Variants in NDUFAF1 observed in about 807,000 individuals in gnomAD.
NDUFAF1 encodes the protein NADH:ubiquinone oxidoreductase complex assembly factor 1.
NDUFAF1 carries 18 observed loss-of-function variants against 28.7 expected under a neutral mutation model. That is an observed-to-expected ratio of 0.63 (90% confidence interval 0.43 to 0.93). NDUFAF1 has a LOEUF of 0.93. Among genes scored for constraint, NDUFAF1 ranks in the 40% least tolerant of loss-of-function variants. The probability of loss-of-function intolerance (pLI) is 0.00; values close to 1 mark genes in which losing one functional copy is unlikely to be tolerated. For missense variants in NDUFAF1, 404 were observed against 398.3 expected, an observed-to-expected ratio of 1.01 and a Z score of -0.12; for synonymous variants, 113 against 139.7, an observed-to-expected ratio of 0.81 and a Z score of 1.35.
chr15:41,395,613 G>A (rs554355399), intron 2 of NDUFAF1, among the ~76,000 whole-genome samples: 21 of 148,258 alleles, frequency 1.4e-4, no homozygotes, highest in East Asian at 4.0e-4. Context: ...CTGGTGATCC[G>A]CCCACCTTGG....
chr15:41,396,055 T>C (rs1277388022), intron 2 of NDUFAF1, among the ~76,000 whole-genome samples: 2 of 150,868 alleles, frequency 1.3e-5, no homozygotes, highest in African/African-American at 2.4e-5. Context: ...GCCACTGCAC[T>C]CTAGCCTGGG....
chr15:41,396,837 C>T lies in NDUFAF1; in HGVS notation c.223G>A (p.Glu75Lys). 1 of 1,614,150 alleles carries T rather than the reference C, an allele frequency of 6.2e-7. No homozygotes were observed. Among genetic ancestry groups the T allele is most frequent in the Non-Finnish European group, 8.5e-7 (1 of 1,180,044 alleles). ...TCGAAACTAACATCAGGCTTCTCCT[C>T]AGAAGAAGTTATATCCAAAGCAACT... ...KEVALDITSSEEKPDVSFDKA... is the reference protein window; with the variant it reads ...KEVALDITSSKEKPDVSFDKA... The change falls in exon 2 of 5, where the codon GAG becomes AAG. Residue 75 changes from glutamate to lysine, a missense_variant. By Grantham distance (56) the Glu-to-Lys change is moderately conservative. Transcript: ENST00000260361.
chr15:41,394,300 C>G (rs2050353829), intron 3 of NDUFAF1: 1 of 1,240,408 alleles, frequency 8.1e-7, no homozygotes, highest in Non-Finnish European at 1.1e-6. Context: ...TCCCAAAGTG[C>G]TGGGATTACA....
intron 1 of NDUFAF1, 24 bp downstream of exon 1, chr15:41,402,120 T>C (rs1231003887): frequency 2.3e-6 from 1 of 437,446 alleles, no homozygotes; most frequent in Non-Finnish European, 4.7e-6. Context: ...GTGAGTAGAA[T>C]TAGTAAAGCT....
intron 4 of NDUFAF1, 53 bp downstream of exon 4, chr15:41,388,395 C>G: frequency 7.3e-7 from 1 of 1,373,374 alleles, no homozygotes; most frequent in Non-Finnish European, 1.0e-6. Flanking sequence ...CCCCAGAGTT[C>G]CGATTCATTA....
At chr15:41,399,053 G>A (rs565526705) in intron 1 of NDUFAF1, among the ~76,000 whole-genome samples, 14 of 151,956 alleles carry the variant, frequency 9.2e-5, no homozygotes, top group Admixed American at 2.0e-4. Context: ...ATGACTTGTC[G>A]TCAGGAGTTG....
intron 2 of NDUFAF1, 25 bp from the exon 3 acceptor site, chr15:41,395,069 T>C (rs763466538): frequency 1.1e-5 from 17 of 1,605,640 alleles, no homozygotes; most frequent in East Asian, 4.5e-5. Context: ...GTAAAGTTCA[T>C]TGTACCTCAT....
intron 1 of NDUFAF1, among the ~76,000 whole-genome samples, chr15:41,399,855 CAAAAAAAA>C (rs35139337): frequency 5.0e-3 from 209 of 42,066 alleles, no homozygotes; most frequent in African/African-American, 0.018. Context: ...GACTCCTTCT[CAAAAAAAA>C]AAAAAAAAAA....
In NDUFAF1 at chr15:41,397,079, G is replaced by C. The variant is rs377321530; in HGVS notation, c.-20C>G. The C allele has an allele frequency of 1.3e-4, 212 of 1,611,122 alleles. No individual in the cohort carries two copies. The African/African-American group carries it at 2.7e-3, about 20-fold the overall frequency. On this transcript the variant is annotated 5_prime_UTR_variant, in exon 2 of 5. Transcript: ENST00000260361. Reference sequence around the variant, plus strand: ...AGCCATGGTACAAAAAAATCAAAATGTAAGTTTCTTCCTGGGCTAGCAAGG... The same window carrying C: ...AGCCATGGTACAAAAAAATCAAAATCTAAGTTTCTTCCTGGGCTAGCAAGG...
In NDUFAF1 at chr15:41,396,687, A is replaced by C. The variant is rs1411399958; in HGVS notation, c.373T>G (p.Trp125Gly). 2.5e-6 allele frequency: 4 copies of C among 1,614,050 alleles called. No individual in the cohort carries two copies. In the East Asian group the frequency reaches 8.9e-5, roughly 36 times the overall value. ...AAATCTTCTTTCCCCCGGAATTGCC[A>C]GACAACCTTGGCTTGTTCCAGCAAG... ...EVLLEQAKVV[W>G]QFRGKEDLDK... is the part of the protein sequence containing the mutation. The change falls in exon 2 of 5, where the codon TGG (tryptophan) becomes GGG (glycine). Residue 125 changes from tryptophan to glycine, a missense_variant. Trp to Gly is a radical substitution (Grantham distance 184). Coordinates refer to ENST00000260361, the MANE Select transcript of NDUFAF1 (RefSeq NM_016013.4).
chr15:41,387,468 C>G lies in NDUFAF1; in HGVS notation c.960G>C (p.Glu320Asp). ...TEEFAYENSP[E>D]LNPRLFK ...TTTATTTAAAAAGCCTTGGGTTAAGCTCTGGAGAATTTTCATAGGCAAATT... is the reference window on the plus strand; with the variant it reads ...TTTATTTAAAAAGCCTTGGGTTAAGGTCTGGAGAATTTTCATAGGCAAATT... Residue 320 changes from glutamate (E) to aspartate (D), a missense_variant, in exon 5 of 5, where the codon GAG becomes GAC. Glu to Asp is a conservative substitution (Grantham distance 45). Coordinates refer to ENST00000260361, the MANE Select transcript of NDUFAF1 (RefSeq NM_016013.4). 1 of 1,613,820 alleles carries G rather than the reference C, an allele frequency of 6.2e-7. No individual in the cohort carries two copies. The highest frequency in any genetic ancestry group is 1.1e-5 in the South Asian group (1 of 91,080).
At position 41,396,428 on chromosome 15, in the gene NDUFAF1, T is replaced by C. The variant is rs905013924; in HGVS notation, c.573+59A>G. On this transcript the variant is annotated intron_variant, in intron 2 of 4. Coordinates refer to ENST00000260361, the MANE Select transcript of NDUFAF1 (RefSeq NM_016013.4). Reference sequence around the variant, plus strand: ...AACAAAAGCTATCTTCTATAGTTTATGCTACAATGAAGTTCACCCCTGTTT... The same window carrying C: ...AACAAAAGCTATCTTCTATAGTTTACGCTACAATGAAGTTCACCCCTGTTT... 2.7e-6 allele frequency: 4 copies of C among 1,508,264 alleles called. No homozygotes were observed. The South Asian group carries it at 3.4e-5, about 13-fold the overall frequency. 93.4% of individuals were successfully genotyped at this position (1,508,264 alleles called of 1,614,324 possible). A position where few individuals can be genotyped will look rare whatever the true frequency, so the allele number is the denominator to read the frequency against.
At chr15:41,399,692 A>G (rs1479007238) in intron 1 of NDUFAF1, among the ~76,000 whole-genome samples, 2 of 150,756 alleles carry the variant, frequency 1.3e-5, no homozygotes, top group African/African-American at 4.9e-5. Context: ...GTCTCTACTA[A>G]AAAAATACAA....
At chr15:41,389,665 C>A (rs2050294207) in intron 3 of NDUFAF1, among the ~76,000 whole-genome samples, 1 of 152,022 alleles carries the variant, frequency 6.6e-6, no homozygotes, top group African/African-American at 2.4e-5. Context: ...CCTGGCTATT[C>A]AGGAGGCTAA....
At chr15:41,394,732 G>A in intron 3 of NDUFAF1, 127 bp downstream of exon 3, 1 of 854,036 alleles carries the variant, frequency 1.2e-6, no homozygotes, top group South Asian at 1.4e-5. Flanking sequence ...TGGCCAACCT[G>A]GTCTCGAACT....
At chr15:41,399,990 T>A (rs1353747928) in intron 1 of NDUFAF1, among the ~76,000 whole-genome samples, 2 of 142,926 alleles carry the variant, frequency 1.4e-5, no homozygotes, top group Non-Finnish European at 3.0e-5. Context: ...AACCCAGGAG[T>A]GGGACGCTGC....
intron 2 of NDUFAF1, among the ~76,000 whole-genome samples, chr15:41,395,560 C>CA: frequency 6.6e-6 from 1 of 150,668 alleles, no homozygotes; most frequent in Non-Finnish European, 1.5e-5. Flanking sequence ...TTAGTAGAGA[C>CA]GGGGTTTCAC....
chr15:41,389,209 A>AGTAGCT (rs1459461692), intron 3 of NDUFAF1, among the ~76,000 whole-genome samples: 2 of 149,092 alleles, frequency 1.3e-5, no homozygotes, highest in Non-Finnish European at 3.0e-5. Context: ...CAGCTTCCTG[A>AGTAGCT]GTAGCTGGGA....
rs1369848414 is a variant in NDUFAF1 at position 41,396,786 on chromosome 15, A to G, written c.274T>C (p.Tyr92His). 1.2e-6 allele frequency: 2 copies of G among 1,614,184 alleles called. No homozygotes were observed. The highest frequency in any genetic ancestry group is 1.3e-5 in the African/African-American group (1 of 75,046). The change falls in exon 2 of 5, where the codon TAC becomes CAC. Residue 92 changes from tyrosine (Y) to histidine (H), a missense_variant. By Grantham distance (83) the Tyr-to-His change is moderately conservative. Transcript: ENST00000260361. The part of the protein sequence containing the change: ...FDKAIRDEAI[Y>H]HFRLLKDEIV... The stretch of plus-strand genomic sequence containing the variant: ...TCATCCTTCAAAAGCCTAAAATGGT[A>G]TATTGCTTCATCTCTAATTGCTTTA...
Sources: allele counts gnomAD v4.1 joint callset (sites outside exome capture counted in the v4.1 genomes callset), GRCh38; gene constraint gnomAD v4.1.1; transcripts MANE v1.5; gene names NCBI Gene and HGNC (gene_info 2026-07-23, HGNC 2026-07-21).